Variants in PCDHGB2 observed in about 807,000 individuals in gnomAD.
PCDHGB2 encodes protocadherin gamma subfamily B, 2.
In PCDHGB2, 55 loss-of-function variants were observed where a neutral mutation model predicts 59.3. The observed-to-expected ratio is 0.93, with a 90% CI of 0.75 to 1.16. PCDHGB2 has a LOEUF of 1.16. Among genes scored for constraint, PCDHGB2 ranks in the 50% most tolerant of loss-of-function variants. The pLI, the probability that PCDHGB2 is intolerant of heterozygous loss-of-function variation, is 0.00. For synonymous variants in PCDHGB2, 516 were observed against 512.0 expected (o/e 1.01, Z -0.11); for missense variants, 1,228 against 1,198.5 (o/e 1.02, Z -0.36).
intron 1 of PCDHGB2, chr5:141,399,539 G>A (rs1324095299): frequency 1.2e-6 from 2 of 1,614,050 alleles, no homozygotes; most frequent in Non-Finnish European, 1.7e-6. Flanking sequence ...GCGCAAGTCT[G>A]CGCCTCGGAC....
intron 1 of PCDHGB2, chr5:141,393,902 G>C: frequency 6.2e-7 from 1 of 1,613,968 alleles, no homozygotes; most frequent in Non-Finnish European, 8.5e-7. Flanking sequence ...CTCTTCCCGG[G>C]ACAGTAATTG....
rs1379023118 is a variant in PCDHGB2, at chr5:141,487,609, G to A, written c.2422-7198G>A. ...GCCCACCCTCTGATCTTCTCTATGG[G>A]CTAGAGGTGAGACCTTTGCAGGCTC... On this transcript the variant is annotated intron_variant, in intron 1 of 3. Transcript: ENST00000522605. The surrounding 1 kb of genome is among the most constrained non-coding windows in gnomAD (Gnocchi z 5.0). 1 of 1,614,202 alleles carries A rather than the reference G, an allele frequency of 6.2e-7. No individual in the cohort carries two copies. The highest frequency in any genetic ancestry group is 1.1e-5 in the South Asian group (1 of 91,084).
chr5:141,389,530 T>C (rs963241883), intron 1 of PCDHGB2: 1 of 1,613,208 alleles, frequency 6.2e-7, no homozygotes, highest in African/African-American at 1.3e-5. Context: ...CTGCGCGTGT[T>C]AGTGGACGAC....
In PCDHGB2 at chr5:141,487,608, G is replaced by T; in HGVS notation, c.2422-7199G>T. 1 of 1,614,182 alleles carries T rather than the reference G, an allele frequency of 6.2e-7. No individual in the cohort carries two copies. The highest frequency in any genetic ancestry group is 8.5e-7 in the Non-Finnish European group (1 of 1,180,042). On this transcript the variant is annotated intron_variant, in intron 1 of 3. Coordinates refer to ENST00000522605, the MANE Select transcript of PCDHGB2 (RefSeq NM_018923.3). The surrounding 1 kb of genome is among the most constrained non-coding windows in gnomAD (Gnocchi z 5.0). ...TGCCCACCCTCTGATCTTCTCTATG[G>T]GCTAGAGGTGAGACCTTTGCAGGCT...
intron 1 of PCDHGB2, chr5:141,424,031 T>G (rs2096796228): frequency 1.9e-6 from 2 of 1,036,050 alleles, no homozygotes; most frequent in African/African-American, 3.4e-5. Flanking sequence ...AAACACTTTT[T>G]ATTTCCATTT....
chr5:141,364,241 C>T (rs1408729947), intron 1 of PCDHGB2: 2 of 1,442,340 alleles, frequency 1.4e-6, no homozygotes, highest in Non-Finnish European at 1.8e-6. Flanking sequence ...CGCCCATTTT[C>T]GTCAGGGAAT....
In PCDHGB2 at chr5:141,491,638, G is replaced by A. The variant is rs2099723160; in HGVS notation, c.2422-3169G>A. The A allele has an allele frequency of 6.2e-7, 1 of 1,613,898 alleles. No individual in the cohort carries two copies. The highest frequency in any genetic ancestry group is 1.3e-5 in the African/African-American group (1 of 75,074). ...ACCCCTCAGCGTTCAGCAGCCCACA[G>A]CTCTGGCGCTGGAGCCTGACGCCAT... On this transcript the variant is annotated intron_variant, in intron 1 of 3. Coordinates refer to ENST00000522605, the MANE Select transcript of PCDHGB2 (RefSeq NM_018923.3). The surrounding 1 kb of genome is among the most constrained non-coding windows in gnomAD (Gnocchi z 6.9).
intron 1 of PCDHGB2, among the ~76,000 whole-genome samples, chr5:141,433,853 A>C (rs934981508): frequency 1.3e-5 from 2 of 151,912 alleles, no homozygotes; most frequent in African/African-American, 2.4e-5. Context: ...AAAAAAAAAA[A>C]AACTTTATCC....
intron 1 of PCDHGB2, chr5:141,375,569 C>A (rs775153131): frequency 1.2e-6 from 2 of 1,613,970 alleles, no homozygotes; most frequent in East Asian, 2.2e-5. Context: ...AGAAGACACC[C>A]TCCAGGGGGC....
In PCDHGB2 at chr5:141,361,046, A is replaced by C. The variant is rs779477758; in HGVS notation, c.911A>C (p.Lys304Thr). 3 of 1,613,710 alleles carry C rather than the reference A, an allele frequency of 1.9e-6. No individual in the cohort carries two copies. Among genetic ancestry groups the C allele is most frequent in the Non-Finnish European group, 2.5e-6 (3 of 1,179,708 alleles). The change falls in exon 1 of 4, where the codon AAG (lysine) becomes ACG (threonine). Residue 304 changes from lysine to threonine, a missense_variant. Transcript: ENST00000522605. ...LNEKTGEITT[K>T]DDLDFEIASS... ...GAAAAAACAGGAGAAATCACGACAA[A>C]GGATGATTTGGATTTTGAGATTGCA...
At chr5:141,398,075 A>T in intron 1 of PCDHGB2, 1 of 1,592,106 alleles carries the variant, frequency 6.3e-7, no homozygotes, top group Non-Finnish European at 8.6e-7. Flanking sequence ...TACAGAGGTT[A>T]TTTGTAACCT....
At chr5:141,472,219 A>C (rs2099274667) in intron 1 of PCDHGB2, among the ~76,000 whole-genome samples, 1 of 152,210 alleles carries the variant, frequency 6.6e-6, no homozygotes, top group Non-Finnish European at 1.5e-5. Context: ...CTTACTCTCG[A>C]TCATATAATA....
rs1466755382 is a variant in PCDHGB2 at position 141,384,339 on chromosome 5, C to G, written c.2421+21783C>G. 19 of 1,613,782 alleles carry G rather than the reference C, an allele frequency of 1.2e-5. 1 individual carries two copies. Among genetic ancestry groups the G allele is most frequent in the Non-Finnish European group, 1.6e-5 (19 of 1,179,910 alleles). ...TCTTAGTGACTGCACAGGACCACGA[C>G]AGTGAGGATAATGCCCAGATCACTT... On this transcript the variant is annotated intron_variant, in intron 1 of 3. Coordinates refer to ENST00000522605, the MANE Select transcript of PCDHGB2 (RefSeq NM_018923.3).
intron 1 of PCDHGB2, chr5:141,422,218 A>T: frequency 1.3e-6 from 2 of 1,564,130 alleles, no homozygotes; most frequent in Non-Finnish European, 8.6e-7. Flanking sequence ...TCTCTTTACC[A>T]CCACGACGAT....
chr5:141,398,476 T>C (rs756685671), intron 1 of PCDHGB2: 1 of 1,607,694 alleles, frequency 6.2e-7, no homozygotes. Flanking sequence ...ACTGAACTTT[T>C]ATCACGTGAA....
intron 1 of PCDHGB2, chr5:141,396,285 A>G (rs996354546): frequency 1.3e-5 from 2 of 152,164 alleles, no homozygotes; most frequent in African/African-American, 4.8e-5. Context: ...ATGCCACTGC[A>G]CTCCAGCCTA....
Position 141,433,059 on chromosome 5 carries a change from A to G in PCDHGB2, c.2422-61748A>G, listed in dbSNP as rs745951077. 1.1e-5 allele frequency: 18 copies of G among 1,614,000 alleles called. No individual in the cohort carries two copies. In the East Asian group the frequency reaches 3.8e-4, roughly 34 times the overall value. On this transcript the variant is annotated intron_variant, in intron 1 of 3. Transcript: ENST00000522605. ...CTCACCACGGACTCGCGGAAGAGTC[A>G]CCTGATCTTCCCCCAGCCCAACTAT...
chr5:141,506,444 CAAAAAAAAAAAAA>C (rs1219684339), intron 3 of PCDHGB2, among the ~76,000 whole-genome samples: 1 of 95,030 alleles, frequency 1.1e-5, no homozygotes, highest in Non-Finnish European at 2.2e-5. Context: ...CGCTCTGTCT[CAAAAAAAAAAAAA>C]AAAAAAAAGA....
intron 1 of PCDHGB2, chr5:141,376,684 T>TTTTTGTTTTTG: frequency 2.5e-6 from 2 of 809,290 alleles, no homozygotes; most frequent in African/African-American, 1.9e-5. Flanking sequence ...TCGTTTTTTT[T>TTTTTGTTTTTG]TTTTTTTTTT....
Sources: gnomAD v4.1 joint callset for allele counts (sites outside exome capture counted in the v4.1 genomes callset) on GRCh38, gnomAD v4.1.1 for gene constraint, Gnocchi (gnomAD v3.1) non-coding constraint, MANE v1.5 for transcripts, NCBI Gene and HGNC (gene_info 2026-07-23, HGNC 2026-07-21) for gene names.